Variants in ENPP2 observed in about 807,000 individuals in gnomAD.
ENPP2 encodes the protein autotaxin.
ENPP2 carries 51 observed loss-of-function variants against 120.2 expected under a neutral mutation model. That is an observed-to-expected ratio of 0.42 (90% confidence interval 0.34 to 0.54). The LOEUF is 0.54. Among genes scored for constraint, ENPP2 ranks in the 20% least tolerant of loss-of-function variants. The pLI, the probability that ENPP2 is intolerant of heterozygous loss-of-function variation, is 0.04. For synonymous variants in ENPP2, 365 were observed against 366.4 expected (o/e 1.00, Z 0.04); for missense variants, 920 against 1,066.5 (o/e 0.86, Z 1.91).
At chr8:119,610,012 T>A (rs972548423) in intron 8 of ENPP2, among the ~76,000 whole-genome samples, 1 of 152,188 alleles carries the variant, frequency 6.6e-6, no homozygotes, top group East Asian at 1.9e-4. Flanking sequence ...AAAAGATCAC[T>A]GGAAGAGGTC....
At chr8:119,596,027 G>T in intron 11 of ENPP2, 1 of 1,610,370 alleles carries the variant, frequency 6.2e-7, no homozygotes, top group Non-Finnish European at 8.5e-7. Flanking sequence ...AGAGATGTCT[G>T]GACTCAGAAG....
chr8:119,609,181 G>A (rs979509256), intron 8 of ENPP2, among the ~76,000 whole-genome samples: 16 of 152,198 alleles, frequency 1.1e-4, no homozygotes, highest in Admixed American at 5.2e-4. Flanking sequence ...CTTAACCATT[G>A]TTTCAAAATC....
chr8:119,663,329 C>T (rs998345697), intron 1 of ENPP2, among the ~76,000 whole-genome samples: 3 of 152,010 alleles, frequency 2.0e-5, no homozygotes, highest in African/African-American at 4.8e-5. Flanking sequence ...TTTAAAATAT[C>T]GAAAAATTAT....
Position 119,573,407 on chromosome 8 carries a change from TTA to T in ENPP2, c.1781-2568_1781-2567del, listed in dbSNP as rs1491530931. Among the ~76,000 whole-genome samples, 13 of 71,554 alleles carry T rather than the reference TTA, an allele frequency of 1.8e-4. 2 individuals are homozygous for T. Among genetic ancestry groups the T allele is most frequent in the African/African-American group, 7.8e-4 (11 of 14,084 alleles). The allele number at this position is 71,554 out of a possible 152,430, so 46.9% of individuals were successfully genotyped here. ...AGGTGACAGAGCGAGGCTCCGTCTC[TTA>T]AAAAAAAAAAAAAAAAAGATTCATT... On this transcript the variant is annotated intron_variant, in intron 19 of 24. Transcript: ENST00000075322.
intron 1 of ENPP2, among the ~76,000 whole-genome samples, chr8:119,659,847 C>T (rs1238346614): frequency 6.6e-6 from 1 of 152,098 alleles, no homozygotes; most frequent in Non-Finnish European, 1.5e-5. Context: ...TTCTGGCAGC[C>T]CTGACTACAT....
rs761218415 is a variant in ENPP2 at position 119,626,592 on chromosome 8, C to T, written c.265G>A (p.Asp89Asn). 5 of 1,614,032 alleles carry T rather than the reference C, an allele frequency of 3.1e-6. No homozygotes were observed. The South Asian group carries it at 3.3e-5, about 11-fold the overall frequency. Reference sequence around the variant, plus strand: ...GTCTTCAAACACAGCTCATCAAAGTCATGGCAGCAACTGGTATAGCTCTTA... The same window carrying T: ...GTCTTCAAACACAGCTCATCAAAGTTATGGCAGCAACTGGTATAGCTCTTA... ...LCKSYTSCCHDFDELCLKTAR... is the reference protein window; with the variant it reads ...LCKSYTSCCHNFDELCLKTAR... The change falls in exon 3 of 25, where the codon GAC (aspartate) becomes AAC (asparagine). Residue 89 changes from aspartate to asparagine, a missense_variant. Transcript: ENST00000075322.
At chr8:119,627,235 A>G (rs1816342930) in intron 2 of ENPP2, among the ~76,000 whole-genome samples, 1 of 152,202 alleles carries the variant, frequency 6.6e-6, no homozygotes, top group African/African-American at 2.4e-5. Context: ...ATTGGAATAG[A>G]AGACTTTTAC....
intron 24 of ENPP2, among the ~76,000 whole-genome samples, chr8:119,559,377 G>A (rs1003971037): frequency 1.3e-5 from 2 of 152,166 alleles, no homozygotes; most frequent in Non-Finnish European, 2.9e-5. Flanking sequence ...GTGGACAGGG[G>A]TGAAAAGGTT....
chr8:119,586,906 C>T, intron 14 of ENPP2, 138 bp downstream of exon 14: 1 of 699,718 alleles, frequency 1.4e-6, no homozygotes, highest in Non-Finnish European at 2.5e-6. Flanking sequence ...CTTAAGGAAA[C>T]AAATATACAG....
At chr8:119,666,694 C>T (rs946638039) in intron 1 of ENPP2, among the ~76,000 whole-genome samples, 2 of 151,490 alleles carry the variant, frequency 1.3e-5, no homozygotes. Flanking sequence ...GCAGGAGCAT[C>T]ACTTGAACCC....
intron 11 of ENPP2, among the ~76,000 whole-genome samples, chr8:119,597,140 G>A (rs1344870200): frequency 6.6e-6 from 1 of 152,122 alleles, no homozygotes; most frequent in African/African-American, 2.4e-5. Context: ...TTCTGTTTCT[G>A]TCTCATCCTC....
chr8:119,669,245 C>A (rs1387289944), intron 1 of ENPP2, among the ~76,000 whole-genome samples: 1 of 152,176 alleles, frequency 6.6e-6, no homozygotes, highest in South Asian at 2.1e-4. Context: ...AGTCATTAAT[C>A]CAGCCCATAT....
In ENPP2 at chr8:119,573,407, T is replaced by TAAAAAAAAAAAAAAAAAAAAAAAAAAAAA. The variant is rs1563680979; in HGVS notation, c.1781-2567_1781-2566insTTTTTTTTTTTTTTTTTTTTTTTTTTTTT. 2.5e-4 allele frequency among the ~76,000 whole-genome samples: 18 copies of TAAAAAAAAAAAAAAAAAAAAAAAAAAAAA among 71,540 alleles called. 1 individual carries two copies. Among genetic ancestry groups the TAAAAAAAAAAAAAAAAAAAAAAAAAAAAA allele is most frequent in the African/African-American group, 1.2e-3 (17 of 14,072 alleles). 46.9% of individuals were successfully genotyped at this position (71,540 alleles called of 152,430 possible). Reference sequence around the variant, plus strand: ...AGGTGACAGAGCGAGGCTCCGTCTCTTAAAAAAAAAAAAAAAAAAGATTCA... The same window carrying TAAAAAAAAAAAAAAAAAAAAAAAAAAAAA: ...AGGTGACAGAGCGAGGCTCCGTCTCTAAAAAAAAAAAAAAAAAAAAAAAAAAAAATAAAAAAAAAAAAAAAAAAGATTCA... On this transcript the variant is annotated intron_variant, in intron 19 of 24. Transcript: ENST00000075322.
At chr8:119,566,420 C>T in intron 22 of ENPP2, among the ~76,000 whole-genome samples, 1 of 152,216 alleles carries the variant, frequency 6.6e-6, no homozygotes, top group East Asian at 1.9e-4. Flanking sequence ...TTCAATTGCT[C>T]TTCCTGCCTT....
At chr8:119,670,878 G>T (rs1433142029) in intron 1 of ENPP2, among the ~76,000 whole-genome samples, 1 of 152,088 alleles carries the variant, frequency 6.6e-6, no homozygotes, top group Non-Finnish European at 1.5e-5. Flanking sequence ...AAGGTAAAAG[G>T]CAAGTTGTGG....
intron 2 of ENPP2, among the ~76,000 whole-genome samples, chr8:119,634,960 G>T (rs1188248866): frequency 6.6e-6 from 1 of 152,058 alleles, no homozygotes; most frequent in African/African-American, 2.4e-5. Context: ...TCATTCCATT[G>T]ACTCAAACTC....
intron 1 of ENPP2, among the ~76,000 whole-genome samples, chr8:119,664,960 A>G (rs1818028033): frequency 1.3e-5 from 2 of 152,220 alleles, no homozygotes; most frequent in Non-Finnish European, 2.9e-5. Flanking sequence ...GGAGATGAGA[A>G]GTCTGAGATC....
chr8:119,654,433 T>C (rs1817713633), intron 1 of ENPP2, among the ~76,000 whole-genome samples: 2 of 145,934 alleles, frequency 1.4e-5, no homozygotes, highest in South Asian at 4.2e-4. Context: ...ATTTATAGTA[T>C]AAATTTATAT....
intron 13 of ENPP2, among the ~76,000 whole-genome samples, chr8:119,589,267 C>T (rs573826027): frequency 2.0e-5 from 3 of 152,268 alleles, no homozygotes; most frequent in East Asian, 1.9e-4. Flanking sequence ...TGGTGAGTAC[C>T]GAGCAGAGCT....
Sources: gnomAD v4.1 joint callset for allele counts (sites outside exome capture counted in the v4.1 genomes callset) on GRCh38, gnomAD v4.1.1 for gene constraint, MANE v1.5 for transcripts, NCBI Gene and HGNC (gene_info 2026-07-23, HGNC 2026-07-21) for gene names.